The following MATR3 variants were observed in gnomAD, a reference collection of about 807,000 sequenced individuals.
The protein encoded by MATR3 is matrin-3.
MATR3 carries 4 observed loss-of-function variants against 85.5 expected under a neutral mutation model. The ratio of observed to expected loss-of-function variants is 0.05; its 90% confidence interval spans 0.02 to 0.11. The LOEUF (loss-of-function observed/expected upper bound fraction) is 0.11. Ranked by LOEUF, MATR3 falls within the 10% of genes least tolerant of loss-of-function variation. MATR3 has a pLI of 1.00. For missense variants in MATR3, 685 were observed against 1,016.1 expected (o/e 0.67, Z 4.43); for synonymous variants, 336 against 343.1 (o/e 0.98, Z 0.23).
At chr5:139,290,610 T>G (rs1158194479), upstream of MATR3, among the ~76,000 whole-genome samples, 2 of 151,482 alleles carry the variant, frequency 1.3e-5, no homozygotes, top group East Asian at 1.9e-4. Flanking sequence ...CCACCACGCC[T>G]GGGTAATTTT....
At chr5:139,328,457 C>G (rs541591546) in intron 14 of MATR3, among the ~76,000 whole-genome samples, 3 of 152,020 alleles carry the variant, frequency 2.0e-5, no homozygotes, top group African/African-American at 7.2e-5. Context: ...ATGGAGCTCC[C>G]GTGTCTAGAA....
intron 9 of MATR3, among the ~76,000 whole-genome samples, chr5:139,319,798 T>A (rs1263426243): frequency 6.8e-6 from 1 of 146,370 alleles, no homozygotes; most frequent in African/African-American, 2.5e-5. Flanking sequence ...GAGCTGAGAT[T>A]GCACCACTGC....
At chr5:139,327,918 A>G (rs541551458) in intron 14 of MATR3, among the ~76,000 whole-genome samples, 5 of 151,794 alleles carry the variant, frequency 3.3e-5, no homozygotes, top group East Asian at 1.9e-4. Flanking sequence ...CTGGAGTGCA[A>G]TGGCACAATC....
intron 14 of MATR3, among the ~76,000 whole-genome samples, chr5:139,328,562 A>G (rs1755973508): frequency 6.6e-6 from 1 of 152,334 alleles, no homozygotes; most frequent in East Asian, 1.9e-4. Flanking sequence ...ACCCACAGCC[A>G]TAATCATTTA....
At chr5:139,310,891 T>G (rs1297026365) in intron 2 of MATR3, 2 of 152,116 alleles carry the variant, frequency 1.3e-5, no homozygotes, top group African/African-American at 4.8e-5. Flanking sequence ...AACCTCCGCC[T>G]CCCAGGTTCA....
intron 1 of MATR3, among the ~76,000 whole-genome samples, chr5:139,294,306 A>G (rs1279063186): frequency 2.0e-5 from 3 of 152,012 alleles, no homozygotes; most frequent in Non-Finnish European, 2.9e-5. Context: ...GTGCCAAATA[A>G]CCCGTTCGCC....
Position 139,331,180 on chromosome 5 carries a change from C to T in MATR3, c.*1785C>T, listed in dbSNP as rs1383175109. On this transcript the variant is annotated 3_prime_UTR_variant, in exon 15 of 15. Coordinates refer to ENST00000394805, the MANE Select transcript of MATR3 (RefSeq NM_018834.6). Reference sequence around the variant, plus strand: ...TCAGACCCCAGTTTATTAAAGGATACTTCAAATAGTTGGCTAAATTTTATG... The same window carrying T: ...TCAGACCCCAGTTTATTAAAGGATATTTCAAATAGTTGGCTAAATTTTATG... 1 of 453,978 alleles carries T rather than the reference C, an allele frequency of 2.2e-6. No homozygotes were observed. The highest frequency in any genetic ancestry group is 2.0e-5 in the African/African-American group (1 of 49,988). The allele number at this position is 453,978 out of a possible 1,614,324, so 28.1% of individuals were successfully genotyped here.
chr5:139,278,966 G>A (rs766800308), intron 2 of MATR3: 3 of 516,492 alleles, frequency 5.8e-6, no homozygotes, highest in Non-Finnish European at 7.7e-6. Context: ...ATCCTAGTCT[G>A]GGTGCAAACA....
chr5:139,318,826 T>C, intron 7 of MATR3, 82 bp from the exon 8 acceptor site: 1 of 1,352,196 alleles, frequency 7.4e-7, no homozygotes, highest in Non-Finnish European at 1.1e-6. Flanking sequence ...GGCATTGTTA[T>C]TTTTTAGGAA....
chr5:139,314,651 T>C (rs371856160), intron 2 of MATR3, 24 bp from the exon 3 acceptor site: 1 of 1,563,548 alleles, frequency 6.4e-7, no homozygotes, highest in Non-Finnish European at 8.8e-7. Context: ...TTTTTGTTAA[T>C]TCTACTAATT....
chr5:139,323,738 A>G (rs966088521), intron 12 of MATR3, among the ~76,000 whole-genome samples: 1 of 152,208 alleles, frequency 6.6e-6, no homozygotes. Context: ...TACTAAAAAT[A>G]TGAAAATTAG....
intron 14 of MATR3, among the ~76,000 whole-genome samples, chr5:139,327,777 T>C (rs1755934078): frequency 6.6e-6 from 1 of 152,142 alleles, no homozygotes; most frequent in Non-Finnish European, 1.5e-5. Flanking sequence ...AAAAACTATA[T>C]GTATTGTCGA....
chr5:139,319,387 T>C lies in MATR3; in HGVS notation c.1488T>C (p.Arg496=). ...QKFDQKQELG[R]VIHLSNLPHS... ...TTGATCAAAAGCAAGAGCTTGGACGTGTGATACATCTCAGCAATTTGCCGC... is the reference window on the plus strand; with the variant it reads ...TTGATCAAAAGCAAGAGCTTGGACGCGTGATACATCTCAGCAATTTGCCGC... Residue 496 remains arginine (R), a synonymous_variant, in exon 9 of 15, where the codon CGT becomes CGC. Transcript: ENST00000394805. 1.9e-6 allele frequency: 3 copies of C among 1,614,170 alleles called. No homozygotes were observed. The highest frequency in any genetic ancestry group is 2.5e-6 in the Non-Finnish European group (3 of 1,180,028).
rs1312709530 is a variant in MATR3, at chr5:139,319,036, A to G, written c.1434+3A>G. On this transcript the variant is annotated splice_donor_region_variant and intron_variant, in intron 8 of 14. Transcript: ENST00000394805. ...CCCAGAAGTATAAAAGAATAAAGGT[A>G]ATGTTTATTTTTTTCAAGCTGTATA... The G allele has an allele frequency of 6.2e-7, 1 of 1,611,070 alleles. No individual in the cohort carries two copies. The highest frequency in any genetic ancestry group is 2.2e-5 in the East Asian group (1 of 44,856).
chr5:139,328,556 A>G (rs1343924162), intron 14 of MATR3, among the ~76,000 whole-genome samples: 2 of 152,192 alleles, frequency 1.3e-5, no homozygotes, highest in Non-Finnish European at 2.9e-5. Flanking sequence ...ATTAGAACCC[A>G]CAGCCATAAT....
Position 139,322,826 on chromosome 5 carries a change from A to G in MATR3, c.2007A>G (p.Leu669=), listed in dbSNP as rs535882174. 1 of 1,614,226 alleles carries G rather than the reference A, an allele frequency of 6.2e-7. No homozygotes were observed. The highest frequency in any genetic ancestry group is 1.1e-5 in the South Asian group (1 of 91,088). ...ATGAAGAAGAAGCAGCAGCACTGCT[A>G]GAAAGTGGCAGTTCAGTGGGAGACG... ...LVDEEEAAAL[L]ESGSSVGDET... The change falls in exon 12 of 15, where the codon CTA becomes CTG. Residue 669 remains leucine (L), a synonymous_variant. Coordinates refer to ENST00000394805, the MANE Select transcript of MATR3 (RefSeq NM_018834.6).
At chr5:139,300,961 C>A (rs1397972718) in intron 1 of MATR3, among the ~76,000 whole-genome samples, 1 of 150,816 alleles carries the variant, frequency 6.6e-6, no homozygotes, top group African/African-American at 2.4e-5. Context: ...TTACAGGCGC[C>A]TGCCACCACA....
At chr5:139,277,783 TTGAC>T (rs976502046) in intron 2 of MATR3, among the ~76,000 whole-genome samples, 1 of 141,112 alleles carries the variant, frequency 7.1e-6, no homozygotes, top group Non-Finnish European at 1.6e-5. Flanking sequence ...TTTTTTTTAA[TTGAC>T]AGTAATTGTA....
At chr5:139,315,631 C>T (rs1305408337) in intron 3 of MATR3, 66 bp from the exon 4 acceptor site, 6 of 1,021,268 alleles carry the variant, frequency 5.9e-6, no homozygotes, top group Non-Finnish European at 7.8e-6. Context: ...ATTTTAGAGG[C>T]CAAACAAGGC....
Sources: allele counts gnomAD v4.1 joint callset (sites outside exome capture counted in the v4.1 genomes callset), GRCh38; gene constraint gnomAD v4.1.1; transcripts MANE v1.5; gene names NCBI Gene and HGNC (gene_info 2026-07-23, HGNC 2026-07-21).